Variants in C2CD3 observed in about 807,000 individuals in gnomAD.
The protein encoded by C2CD3 is C2 domain-containing protein 3.
In C2CD3, 148 loss-of-function variants were observed where a neutral mutation model predicts 234.0. That is an observed-to-expected ratio of 0.63 (90% CI 0.55 to 0.72). The LOEUF is 0.72. Ranked by LOEUF, C2CD3 falls within the 30% of genes least tolerant of loss-of-function variation. C2CD3 has a pLI of 0.00. For synonymous variants in C2CD3, 1,000 were observed against 1,035.4 expected, an observed-to-expected ratio of 0.97 and a Z score of 0.66; for missense variants, 2,577 against 2,811.5, an observed-to-expected ratio of 0.92 and a Z score of 1.89.
intron 7 of C2CD3, 23 bp from the exon 8 acceptor site, chr11:74,123,158 CAGA>C (rs1309068939): frequency 3.1e-6 from 5 of 1,592,826 alleles, no homozygotes; most frequent in Non-Finnish European, 4.3e-6. Context: ...GAAAACAAAG[CAGA>C]AGAATTTTAA....
Position 74,170,883 on chromosome 11 carries a change from C to T in C2CD3, c.-91G>A, listed in dbSNP as rs2135582027. 16 of 1,592,956 alleles carry T rather than the reference C, an allele frequency of 1.0e-5. No homozygotes were observed. Among genetic ancestry groups the T allele is most frequent in the Non-Finnish European group, 1.4e-5 (16 of 1,170,220 alleles). On this transcript the variant is annotated 5_prime_UTR_variant, in exon 1 of 33. Transcript: ENST00000334126. ...CATCCCTCCCCACGGCGCCTGCGTT[C>T]CCCGGCAACCGGCGCCGCTGGGCAG...
At chr11:74,151,591 T>A (rs185934501) in intron 3 of C2CD3, among the ~76,000 whole-genome samples, 3 of 152,190 alleles carry the variant, frequency 2.0e-5, no homozygotes, top group East Asian at 3.9e-4. Flanking sequence ...CCTCCCAAAG[T>A]GCTAGGATTA....
intron 21 of C2CD3, 74 bp from the exon 22 acceptor site, chr11:74,085,044 A>G: frequency 1.3e-6 from 1 of 790,362 alleles, no homozygotes; most frequent in Non-Finnish European, 2.2e-6. Context: ...GTATATCCAC[A>G]CAACCCTCCC....
chr11:74,059,672 G>A (rs56971970), intron 24 of C2CD3, among the ~76,000 whole-genome samples: 1,715 of 152,266 alleles, frequency 0.011, 28 homozygotes, highest in African/African-American at 0.038. Context: ...GAGGTTCCAA[G>A]ATGGCCGAAT....
intron 29 of C2CD3, among the ~76,000 whole-genome samples, chr11:74,041,049 G>T (rs933069609): frequency 6.6e-6 from 1 of 150,998 alleles, no homozygotes; most frequent in African/African-American, 2.4e-5. Context: ...AATCTGTATG[G>T]GTAACTTTTT....
Position 74,114,725 on chromosome 11 carries a change from A to G in C2CD3, c.1521-132T>C. 4 of 641,216 alleles carry G rather than the reference A, an allele frequency of 6.2e-6. No homozygotes were observed. In the South Asian group the frequency reaches 7.7e-5, roughly 12 times the overall value. 39.7% of individuals were successfully genotyped at this position (641,216 alleles called of 1,614,324 possible). A position where few individuals can be genotyped will look rare whatever the true frequency, so the allele number is the denominator to read the frequency against. On this transcript the variant is annotated intron_variant, in intron 9 of 32. Coordinates refer to ENST00000334126, the MANE Select transcript of C2CD3 (RefSeq NM_001286577.2). ...ATTTTTTTATTTTTATTTTTGACAC[A>G]GGGTGTTGCTCTGTCACCCAGGCTG... is the stretch of plus-strand genomic sequence containing the variant.
rs775763231 is a variant in C2CD3 at position 74,135,168 on chromosome 11, C to CATCTTAGATGGCA, written c.956-1612_956-1611insTGCCATCTAAGAT. Among the ~76,000 whole-genome samples, 1,017 of 152,254 alleles carry CATCTTAGATGGCA rather than the reference C, an allele frequency of 6.7e-3. 8 individuals carry two copies. The highest frequency in any genetic ancestry group is 0.01 in the Non-Finnish European group (711 of 68,030). On this transcript the variant is annotated intron_variant, in intron 5 of 32. Transcript: ENST00000334126. ...AGGCAGAATTCTAAGATGGCTACCC[C>CATCTTAGATGGCA]AAGATCCCCATTGCCTCATATACTC...
At chr11:74,095,983 T>G (rs1252088307) in intron 16 of C2CD3, among the ~76,000 whole-genome samples, 1 of 152,166 alleles carries the variant, frequency 6.6e-6, no homozygotes, top group Non-Finnish European at 1.5e-5. Context: ...AATTACTATT[T>G]CAAATCAGTT....
rs1214937580 is a variant in C2CD3 at position 74,138,746 on chromosome 11, T to C, written c.929A>G (p.Asn310Ser). The change falls in exon 5 of 33, where the codon AAC becomes AGC. Residue 310 changes from asparagine to serine, a missense_variant. Transcript: ENST00000334126. The part of the protein sequence containing the change: ...HSDSCILSSN[N>S]LPTKDLLSAL... ...TGAAAGAAGATCCTTGGTAGGGAGG[T>C]TGTTTGAAGAAAGAATGCATGAGTC... 18 of 1,612,168 alleles carry C rather than the reference T, an allele frequency of 1.1e-5. No homozygotes were observed. The highest frequency in any genetic ancestry group is 4.5e-5 in the East Asian group (2 of 44,860).
At chr11:74,168,294 C>T (rs1242095692) in intron 2 of C2CD3, 50 bp downstream of exon 2, 2 of 1,468,436 alleles carry the variant, frequency 1.4e-6, no homozygotes, top group South Asian at 1.2e-5. Context: ...ACAATATAAC[C>T]ACATGCTTTG....
chr11:74,093,960 C>A lies in C2CD3; in HGVS notation c.3200G>T (p.Cys1067Phe). The A allele has an allele frequency of 1.9e-6, 3 of 1,613,962 alleles. No homozygotes were observed. The highest frequency in any genetic ancestry group is 2.5e-6 in the Non-Finnish European group (3 of 1,179,884). The change falls in exon 18 of 33, where the codon TGT (cysteine) becomes TTT (phenylalanine). Residue 1067 changes from cysteine (C) to phenylalanine (F), a missense_variant. Physicochemically the swap from Cys to Phe is radical, Grantham distance 205. Transcript: ENST00000334126. ...ACTATTAAAGATGGGATCTGGAACA[C>A]AGAGTGTGGTTGCAGTTCTGAAGGG... is the stretch of plus-strand genomic sequence containing the variant. Reference protein sequence around the residue: ...LKPFRTATTLCVPDPIFNSEH... With the variant: ...LKPFRTATTLFVPDPIFNSEH...
intron 8 of C2CD3, among the ~76,000 whole-genome samples, chr11:74,121,015 A>G (rs964945989): frequency 2.6e-5 from 4 of 151,370 alleles, no homozygotes; most frequent in African/African-American, 9.7e-5. Flanking sequence ...AAAAAGAGCT[A>G]AAATGTTTCA....
intron 22 of C2CD3, among the ~76,000 whole-genome samples, chr11:74,079,673 G>A (rs1223951734): frequency 3.3e-5 from 5 of 151,770 alleles, no homozygotes; most frequent in Non-Finnish European, 7.4e-5. Context: ...ATGAGAAAGT[G>A]GAAGCTCAGA....
At chr11:74,079,162 T>G (rs74918324) in intron 22 of C2CD3, among the ~76,000 whole-genome samples, 3,316 of 152,240 alleles carry the variant, frequency 0.022, 68 homozygotes, top group African/African-American at 0.047. Context: ...TCAAAAGAGA[T>G]CTGGGGTCTA....
At chr11:74,131,315 T>C (rs1957672688) in intron 7 of C2CD3, among the ~76,000 whole-genome samples, 2 of 147,588 alleles carry the variant, frequency 1.4e-5, no homozygotes, top group South Asian at 2.2e-4. Context: ...ACAGTGAGAC[T>C]CGGTCTCAAA....
chr11:74,134,377 G>A (rs1412356692), intron 5 of C2CD3, among the ~76,000 whole-genome samples: 1 of 152,140 alleles, frequency 6.6e-6, no homozygotes, highest in Non-Finnish European at 1.5e-5. Flanking sequence ...ATGTGCCCAT[G>A]GTCCCAGCTA....
At chr11:74,094,587 T>C (rs1466771822) in intron 17 of C2CD3, among the ~76,000 whole-genome samples, 1 of 152,158 alleles carries the variant, frequency 6.6e-6, no homozygotes, top group African/African-American at 2.4e-5. Context: ...TCTCCGAGAC[T>C]ACCAGAAGAT....
intron 23 of C2CD3, among the ~76,000 whole-genome samples, chr11:74,076,308 CTCAACA>C: frequency 6.6e-6 from 1 of 152,288 alleles, no homozygotes; most frequent in East Asian, 1.9e-4. Flanking sequence ...GGCCCACCCA[CTCAACA>C]ACAGGGTCAG....
intron 24 of C2CD3, among the ~76,000 whole-genome samples, chr11:74,068,435 T>C (rs1261193528): frequency 1.3e-5 from 2 of 152,212 alleles, no homozygotes; most frequent in East Asian, 3.8e-4. Context: ...TATTAAATGT[T>C]TGCTGACTTC....
Sources: gnomAD v4.1 joint callset for allele counts (sites outside exome capture counted in the v4.1 genomes callset) on GRCh38, gnomAD v4.1.1 for gene constraint, MANE v1.5 for transcripts, NCBI Gene and HGNC (gene_info 2026-07-23, HGNC 2026-07-21) for gene names.